The following FOXN3 variants were observed in gnomAD, a reference collection of about 807,000 sequenced individuals.
FOXN3 encodes the protein forkhead box protein N3.
Under a neutral mutation model 38.4 loss-of-function variants are expected in FOXN3, and 7 were observed. The ratio of observed to expected loss-of-function variants is 0.18; its 90% CI spans 0.10 to 0.34. The LOEUF (loss-of-function observed/expected upper bound fraction) is 0.34. Ranked by LOEUF, FOXN3 falls within the 10% of genes least tolerant of loss-of-function variation. The probability of loss-of-function intolerance (pLI) is 1.00; values close to 1 mark genes in which losing one functional copy is unlikely to be tolerated. For missense variants in FOXN3, 456 were observed against 613.4 expected (o/e 0.74, Z 2.71); for synonymous variants, 230 against 242.2 (o/e 0.95, Z 0.47).
chr14:89,194,106 G>T (rs568814637), intron 4 of FOXN3, among the ~76,000 whole-genome samples: 71 of 151,160 alleles, frequency 4.7e-4, no homozygotes, highest in Non-Finnish European at 7.1e-4. Flanking sequence ...GAGATACATG[G>T]TTTTTTTTTC....
intron 3 of FOXN3, among the ~76,000 whole-genome samples, chr14:89,305,768 T>A (rs1315756393): frequency 6.6e-6 from 1 of 152,250 alleles, no homozygotes; most frequent in Admixed American, 6.5e-5. Context: ...AGAATGATTC[T>A]TATTAAACGG....
intron 1 of FOXN3, among the ~76,000 whole-genome samples, chr14:89,583,864 T>G (rs1349500443): frequency 6.6e-6 from 1 of 150,552 alleles, no homozygotes; most frequent in African/African-American, 2.5e-5. Flanking sequence ...CCAGCCTATT[T>G]ATTTATTTTT....
rs540915235 is a variant in FOXN3, at chr14:89,227,093, T to G, written c.746-46287A>C. Among the ~76,000 whole-genome samples, 6 of 152,342 alleles carry G rather than the reference T, an allele frequency of 3.9e-5. No individual in the cohort carries two copies. In the South Asian group the frequency reaches 1.2e-3, roughly 32 times the overall value. Reference sequence around the variant, plus strand: ...GAAAAAAGCAATTTCAGGAATAGCCTATTACATTATACAAAGACCAACTCA... The same window carrying G: ...GAAAAAAGCAATTTCAGGAATAGCCGATTACATTATACAAAGACCAACTCA... On this transcript the variant is annotated intron_variant, in intron 4 of 5. Transcript: ENST00000557258.
At chr14:89,192,901 G>A (rs550336869) in intron 4 of FOXN3, among the ~76,000 whole-genome samples, 214 of 151,262 alleles carry the variant, frequency 1.4e-3, no homozygotes, top group African/African-American at 4.6e-3. Flanking sequence ...CCACTGCCCC[G>A]GGTCCCTTGG....
chr14:89,367,225 C>T (rs1275145268), intron 2 of FOXN3, among the ~76,000 whole-genome samples: 1 of 152,180 alleles, frequency 6.6e-6, no homozygotes, highest in Admixed American at 6.5e-5. Flanking sequence ...CTTTTAGCCA[C>T]AGCATCCGGC....
At chr14:89,249,637 C>T (rs1885394679) in intron 4 of FOXN3, among the ~76,000 whole-genome samples, 1 of 152,180 alleles carries the variant, frequency 6.6e-6, no homozygotes, top group Admixed American at 6.5e-5. Context: ...CTATGATACG[C>T]CAGGGACTCT....
chr14:89,406,967 G>A (rs1355402875), intron 2 of FOXN3, among the ~76,000 whole-genome samples: 1 of 141,810 alleles, frequency 7.1e-6, no homozygotes, highest in African/African-American at 2.6e-5. Flanking sequence ...TACCTTAATT[G>A]ATTTAGGCAC....
intron 4 of FOXN3, among the ~76,000 whole-genome samples, chr14:89,262,747 T>C (rs934049889): frequency 1.3e-5 from 2 of 152,098 alleles, no homozygotes; most frequent in East Asian, 3.9e-4. Flanking sequence ...TAATTTTTTT[T>C]TATTACAACA....
intron 1 of FOXN3, among the ~76,000 whole-genome samples, chr14:89,416,217 C>A (rs112680806): frequency 0.061 from 9,352 of 152,234 alleles, 386 homozygotes; most frequent in Middle Eastern, 0.11. Flanking sequence ...ATTGGCTGCA[C>A]CCCGCGTCAA....
rs1887777192 is a variant in FOXN3, at chr14:89,185,370, G to A, written c.746-4564C>T. On this transcript the variant is annotated intron_variant, in intron 4 of 5. Coordinates refer to ENST00000557258, the MANE Select transcript of FOXN3 (RefSeq NM_005197.4). ...GCTCTGTTAGAGAAAGGCATTCTGA[G>A]GCCCACAGTTCACTACTCTACATTA... Among the ~76,000 whole-genome samples, 4 of 152,196 alleles carry A rather than the reference G, an allele frequency of 2.6e-5. No homozygotes were observed. In the South Asian group the frequency reaches 8.3e-4, roughly 31 times the overall value.
At chr14:89,520,719 T>C (rs1002691892) in intron 1 of FOXN3, among the ~76,000 whole-genome samples, 3 of 152,134 alleles carry the variant, frequency 2.0e-5, no homozygotes, top group Admixed American at 6.6e-5. Flanking sequence ...GTCTCTACAA[T>C]GTATCATTCA....
Position 89,537,657 on chromosome 14 carries a change from C to A in FOXN3, c.-15+81371G>T, listed in dbSNP as rs1424803453. ...TGGGGCATCATTCCCTTGGTTCCCC[C>A]ACTGCCTTTGCCAATGTGTGAGTGA... On this transcript the variant is annotated intron_variant, in intron 1 of 6. Coordinates refer to the FOXN3 transcript ENST00000345097. Among the ~76,000 whole-genome samples, 8 of 152,230 alleles carry A rather than the reference C, an allele frequency of 5.3e-5. No individual in the cohort carries two copies. In the East Asian group the frequency reaches 1.3e-3, roughly 26 times the overall value.
At chr14:89,529,553 T>C (rs1894510514) in intron 1 of FOXN3, among the ~76,000 whole-genome samples, 1 of 152,212 alleles carries the variant, frequency 6.6e-6, no homozygotes, top group African/African-American at 2.4e-5. Flanking sequence ...TAGACACTAC[T>C]TTCCTCCTTT....
chr14:89,333,966 G>GTGTATATATATATATATA (rs1490383212), intron 3 of FOXN3, among the ~76,000 whole-genome samples: 1 of 131,568 alleles, frequency 7.6e-6, no homozygotes, highest in African/African-American at 2.9e-5. Flanking sequence ...AATGTGGTGT[G>GTGTATATATATATATATA]TATATATATA....
In FOXN3 at chr14:89,392,963, C is replaced by T. The variant is rs566398135; in HGVS notation, c.543+18971G>A. Among the ~76,000 whole-genome samples the T allele has an allele frequency of 1.8e-3, 275 of 152,142 alleles. 2 individuals are homozygous for T. The highest frequency in any genetic ancestry group is 6.3e-3 in the African/African-American group (261 of 41,524). ...CTGGGACTACAGGCACGTACCACCA[C>T]GCCCGGCTAATTTTTGTATTTTTAG... On this transcript the variant is annotated intron_variant, in intron 2 of 5. Coordinates refer to ENST00000557258, the MANE Select transcript of FOXN3 (RefSeq NM_005197.4).
At position 89,272,139 on chromosome 14, in the gene FOXN3, G is replaced by A. The variant is rs148422855; in HGVS notation, c.745+8811C>T. 5.1e-3 allele frequency among the ~76,000 whole-genome samples: 769 copies of A among 151,820 alleles called. 5 individuals are homozygous for A. Among genetic ancestry groups the A allele is most frequent in the African/African-American group, 0.018 (739 of 41,376 alleles). On this transcript the variant is annotated intron_variant, in intron 4 of 5. Transcript: ENST00000557258. Reference sequence around the variant, plus strand: ...AACCTGACCAACATGGTGAAACCCCGTCTCTACTAAAAATACAAAAAAATT... The same window carrying A: ...AACCTGACCAACATGGTGAAACCCCATCTCTACTAAAAATACAAAAAAATT...
intron 2 of FOXN3, chr14:89,401,503 A>T: frequency 2.2e-6 from 1 of 445,566 alleles, no homozygotes; most frequent in South Asian, 1.6e-5. Flanking sequence ...TCAACTTTAC[A>T]AGCCTCAAAG....
At chr14:89,438,559 A>G (rs1892316208) in intron 1 of FOXN3, among the ~76,000 whole-genome samples, 1 of 152,222 alleles carries the variant, frequency 6.6e-6, no homozygotes, top group Non-Finnish European at 1.5e-5. Context: ...TCATTGTCAT[A>G]TGAAGAAATG....
At chr14:89,187,658 A>G (rs1887842314) in intron 4 of FOXN3, among the ~76,000 whole-genome samples, 1 of 152,228 alleles carries the variant, frequency 6.6e-6, no homozygotes, top group African/African-American at 2.4e-5. Flanking sequence ...GTTATGCAAT[A>G]TAAAATGAAA....
Sources: allele counts gnomAD v4.1 joint callset (sites outside exome capture counted in the v4.1 genomes callset), GRCh38; gene constraint gnomAD v4.1.1; transcripts MANE v1.5; gene names NCBI Gene and HGNC (gene_info 2026-07-23, HGNC 2026-07-21).